The following ATOSA variants were observed in gnomAD, a reference collection of about 807,000 sequenced individuals.
ATOSA encodes atos homolog protein A.
the ATOSA span, chr15:52,629,519 A>T: frequency 1.9e-5 from 4 of 215,288 alleles, no homozygotes; most frequent in South Asian, 1.9e-4. Flanking sequence ...AAAAAAAAAA[A>T]AAGGCCAGGC....
At chr15:52,637,420 C>A in the ATOSA span, among the ~76,000 whole-genome samples, 2 of 152,154 alleles carry the variant, frequency 1.3e-5, no homozygotes. Flanking sequence ...GCTCTCCCAA[C>A]CCCAAATTTG....
chr15:52,612,791 C>T, the ATOSA span, among the ~76,000 whole-genome samples: 1 of 152,088 alleles, frequency 6.6e-6, no homozygotes, highest in Admixed American at 6.6e-5. Context: ...GCGTGAACCA[C>T]TGCGCCCAGC....
the ATOSA span, among the ~76,000 whole-genome samples, chr15:52,662,917 A>C: frequency 6.6e-6 from 1 of 152,204 alleles, no homozygotes; most frequent in African/African-American, 2.4e-5. Flanking sequence ...GAAGAAAAAG[A>C]ATTAGCTAAC....
chr15:52,674,776 G>A, the ATOSA span, among the ~76,000 whole-genome samples: 2 of 151,350 alleles, frequency 1.3e-5, no homozygotes, highest in Admixed American at 6.6e-5. Context: ...AGTATATCTT[G>A]TAATTGACCA....
At chr15:52,692,727 C>T in the ATOSA span, among the ~76,000 whole-genome samples, 4 of 152,126 alleles carry the variant, frequency 2.6e-5, no homozygotes, top group South Asian at 2.1e-4. Context: ...GTGGCTTAAT[C>T]AGGCTCACTG....
chr15:52,629,539 C>T, the ATOSA span: 1 of 248,796 alleles, frequency 4.0e-6, no homozygotes, highest in Non-Finnish European at 8.1e-6. Context: ...CATCGTGGCT[C>T]ATGCCTGTAA....
chr15:52,612,296 T>C, the ATOSA span, among the ~76,000 whole-genome samples: 1 of 152,040 alleles, frequency 6.6e-6, no homozygotes, highest in Non-Finnish European at 1.5e-5. Context: ...GTATTGAACA[T>C]TTATAATGCA....
the ATOSA span, among the ~76,000 whole-genome samples, chr15:52,699,948 A>C: frequency 6.6e-5 from 10 of 152,342 alleles, no homozygotes; most frequent in African/African-American, 1.7e-4. Context: ...TAATCACTAG[A>C]CATGGGGCAT....
At chr15:52,683,032 T>C in the ATOSA span, among the ~76,000 whole-genome samples, 169 of 152,356 alleles carry the variant, frequency 1.1e-3, no homozygotes, top group Middle Eastern at 3.4e-3. Context: ...GGTCCCAGTC[T>C]GCGTAAGTGT....
the ATOSA span, chr15:52,608,928 A>T: frequency 5.6e-6 from 9 of 1,606,638 alleles, no homozygotes; most frequent in Non-Finnish European, 7.6e-6. Context: ...TATAGTTCTC[A>T]TTTATTATTT....
chr15:52,695,252 C>A, the ATOSA span, among the ~76,000 whole-genome samples: 21 of 152,084 alleles, frequency 1.4e-4, no homozygotes, highest in Non-Finnish European at 8.8e-5. Context: ...ATTAGTTTTG[C>A]CACCAAATTG....
chr15:52,687,728 G>GT, the ATOSA span, among the ~76,000 whole-genome samples: 25 of 151,516 alleles, frequency 1.6e-4, no homozygotes, highest in African/African-American at 3.6e-4. Flanking sequence ...TTAGAGAGAG[G>GT]TTTTTTTTTG....
the ATOSA span, among the ~76,000 whole-genome samples, chr15:52,625,641 C>A: frequency 6.6e-6 from 1 of 152,128 alleles, no homozygotes; most frequent in Non-Finnish European, 1.5e-5. Flanking sequence ...TGCATCTACA[C>A]AATAAACACC....
the ATOSA span, among the ~76,000 whole-genome samples, chr15:52,606,665 G>C: frequency 1.3e-5 from 2 of 152,110 alleles, no homozygotes; most frequent in African/African-American, 2.4e-5. Flanking sequence ...TAACAGAAAA[G>C]ATCATAAGAA....
the ATOSA span, among the ~76,000 whole-genome samples, chr15:52,693,210 A>G: frequency 6.6e-6 from 1 of 152,016 alleles, no homozygotes. Context: ...ACTTGAGGTC[A>G]GGAGTTTGAG....
At chr15:52,625,561 G>A in the ATOSA span, among the ~76,000 whole-genome samples, 2 of 152,074 alleles carry the variant, frequency 1.3e-5, no homozygotes, top group African/African-American at 4.8e-5. Context: ...ATCTATCACA[G>A]ACTGACTTTT....
the ATOSA span, chr15:52,584,715 T>C: frequency 6.3e-7 from 1 of 1,585,436 alleles, no homozygotes; most frequent in Non-Finnish European, 8.6e-7. Context: ...TGTTCTAAAG[T>C]AACATTTTCA....
the ATOSA span, among the ~76,000 whole-genome samples, chr15:52,673,980 T>C: frequency 2.6e-5 from 4 of 152,222 alleles, no homozygotes; most frequent in East Asian, 3.8e-4. Context: ...TAGTGTGGTG[T>C]TTTGTTTGTG....
At chr15:52,657,941 T>C in the ATOSA span, 1 of 152,184 alleles carries the variant, frequency 6.6e-6, no homozygotes, top group African/African-American at 2.4e-5. Context: ...CAGGGGTCGA[T>C]AGGGATGTTG....
Sources: gnomAD v4.1 joint callset for allele counts (sites outside exome capture counted in the v4.1 genomes callset) on GRCh38, gnomAD v4.1.1 for gene constraint, MANE v1.5 for transcripts, NCBI Gene and HGNC (gene_info 2026-07-23, HGNC 2026-07-21) for gene names.